Variants in STMN3 observed in about 807,000 individuals in gnomAD.
The protein encoded by STMN3 is stathmin 3, also known as stathmin-3.
In STMN3, 24 loss-of-function variants were observed where a neutral mutation model predicts 23.2. The ratio of observed to expected loss-of-function variants is 1.03; its 90% CI spans 0.75 to 1.45. The LOEUF is 1.45. Ranked by LOEUF, STMN3 falls within the 40% of genes most tolerant of loss-of-function variation. The pLI is 0.00. For synonymous variants in STMN3, 117 were observed against 103.4 expected, an observed-to-expected ratio of 1.13 and a Z score of -0.80; for missense variants, 235 against 237.6, an observed-to-expected ratio of 0.99 and a Z score of 0.07.
intron 1 of STMN3, among the ~76,000 whole-genome samples, chr20:63,645,547 G>T (rs2089802473): frequency 6.6e-6 from 1 of 152,238 alleles, no homozygotes; most frequent in Non-Finnish European, 1.5e-5. Flanking sequence ...CCTGTCAGGG[G>T]AAGAGGAAGG....
chr20:63,652,558 C>G lies in STMN3; in HGVS notation c.19+769G>C. On this transcript the variant is annotated intron_variant, in intron 1 of 4. Transcript: ENST00000370053. The surrounding 1 kb of genome is among the most constrained non-coding windows in gnomAD (Gnocchi z 5.3). ...CTCCGCGCGGGACGGGCCGGGAGGC[C>G]GGGGTGGGCGCTACCTTCGAAGGCG... 1.0e-6 allele frequency: 1 copy of G among 984,760 alleles called. No individual in the cohort carries two copies. The highest frequency in any genetic ancestry group is 1.2e-6 in the Non-Finnish European group (1 of 829,394). 61.0% of individuals were successfully genotyped at this position (984,760 alleles called of 1,614,324 possible).
Position 63,640,874 on chromosome 20 carries a change from T to TC in STMN3, c.*463dup. 3 of 236,304 alleles carry TC rather than the reference T, an allele frequency of 1.3e-5. No homozygotes were observed. Among genetic ancestry groups the TC allele is most frequent in the South Asian group, 1.3e-4 (3 of 23,942 alleles). 14.6% of individuals were successfully genotyped at this position (236,304 alleles called of 1,614,324 possible). A position where few individuals can be genotyped will look rare whatever the true frequency, so the allele number is the denominator to read the frequency against. ...AGGCTCCCAGGCACCATCACCCCCC[T>TC]CCCCCGTCGCCCCTCCCTCATGGGG... On this transcript the variant is annotated 3_prime_UTR_variant, in exon 5 of 5. Coordinates refer to ENST00000370053, the MANE Select transcript of STMN3 (RefSeq NM_015894.4).
intron 1 of STMN3, among the ~76,000 whole-genome samples, chr20:63,651,479 G>A (rs145415134): frequency 2.8e-3 from 422 of 152,240 alleles, no homozygotes; most frequent in Non-Finnish European, 2.6e-3. Flanking sequence ...GGCTCCCCCC[G>A]GGGGCAGATG....
At chr20:63,644,030 C>A (rs537081157) in intron 2 of STMN3, 99 bp from the exon 3 acceptor site, 22 of 1,500,422 alleles carry the variant, frequency 1.5e-5, no homozygotes, top group African/African-American at 5.6e-5. Flanking sequence ...CAGGGCTGGG[C>A]GAGAGGGGGT....
chr20:63,649,151 T>G (rs771928086), intron 1 of STMN3, among the ~76,000 whole-genome samples: 20 of 152,066 alleles, frequency 1.3e-4, no homozygotes, highest in Non-Finnish European at 1.9e-4. Flanking sequence ...ATGAGGAGCT[T>G]CTATCCCAAG....
At position 63,644,228 on chromosome 20, in the gene STMN3, A is replaced by C; in HGVS notation, c.101T>G (p.Val34Gly). The change falls in exon 2 of 5, where the codon GTC becomes GGC. Residue 34 changes from valine (V) to glycine (G), a missense_variant. Coordinates refer to ENST00000370053, the MANE Select transcript of STMN3 (RefSeq NM_015894.4). ...CAGGCACTCACCCCCGTACTGGTAG[A>C]CGGTATTGGGGTGCGGCTGTGTGTA... ...CFYTQPHPNT[V>G]YQYGDMEVKQ... is the part of the protein sequence containing the mutation. 1.9e-6 allele frequency: 3 copies of C among 1,612,932 alleles called. No homozygotes were observed. The highest frequency in any genetic ancestry group is 2.5e-6 in the Non-Finnish European group (3 of 1,179,204).
intron 1 of STMN3, among the ~76,000 whole-genome samples, chr20:63,647,615 C>A: frequency 7.0e-6 from 1 of 141,966 alleles, no homozygotes; most frequent in East Asian, 2.0e-4. Context: ...GACTCTGTCT[C>A]AAAAACAAAC....
rs2089748040 is a variant in STMN3 at position 63,640,185 on chromosome 20, G to T, written c.*1153C>A. 1.3e-5 allele frequency: 2 copies of T among 152,708 alleles called. No homozygotes were observed. The highest frequency in any genetic ancestry group is 6.5e-5 in the Admixed American group (1 of 15,278). The allele number at this position is 152,708 out of a possible 1,614,324, so 9.5% of individuals were successfully genotyped here. On this transcript the variant is annotated 3_prime_UTR_variant, in exon 5 of 5. Coordinates refer to ENST00000370053, the MANE Select transcript of STMN3 (RefSeq NM_015894.4). ...GATGGGGCTTCCGTGGAGAAGTGGG[G>T]GATGCTGCAGTGGTACAAAGACAGC...
At chr20:63,642,044 C>T in intron 4 of STMN3, 64 bp downstream of exon 4, 1 of 980,940 alleles carries the variant, frequency 1.0e-6, no homozygotes, top group Non-Finnish European at 1.2e-6. Flanking sequence ...CCGCTCCGAG[C>T]TTCGCCCCGG....
chr20:63,646,297 A>AC (rs2089808320), intron 1 of STMN3, among the ~76,000 whole-genome samples: 4 of 151,860 alleles, frequency 2.6e-5, no homozygotes. Flanking sequence ...TCAGGGAGGG[A>AC]GATGGAGGGG....
intron 2 of STMN3, 129 bp from the exon 3 acceptor site, chr20:63,644,060 C>T: frequency 2.9e-6 from 4 of 1,402,566 alleles, no homozygotes; most frequent in Non-Finnish European, 3.9e-6. Flanking sequence ...CGCAGGAATC[C>T]CAGGCTTCAG....
chr20:63,642,426 C>T (rs2089776507), intron 3 of STMN3, 127 bp from the exon 4 acceptor site: 1 of 395,990 alleles, frequency 2.5e-6, no homozygotes, highest in Non-Finnish European at 4.3e-6. Context: ...GCCCAGGCCT[C>T]GGTGGGCGCC....
intron 1 of STMN3, among the ~76,000 whole-genome samples, chr20:63,649,850 G>A (rs1293646250): frequency 5.0e-5 from 7 of 139,752 alleles, no homozygotes; most frequent in African/African-American, 1.6e-4. Context: ...TTTTTAAGAC[G>A]GGGTCTCACT....
chr20:63,648,295 G>T (rs1601061625), intron 1 of STMN3, among the ~76,000 whole-genome samples: 1 of 151,924 alleles, frequency 6.6e-6, no homozygotes, highest in African/African-American at 2.4e-5. Flanking sequence ...GAGGGAGTTT[G>T]GGCTGGGGCA....
At chr20:63,653,200 G>A (rs1039048428) in intron 1 of STMN3, 127 bp downstream of exon 1, 6 of 1,282,448 alleles carry the variant, frequency 4.7e-6, no homozygotes, top group African/African-American at 1.6e-5. Flanking sequence ...GTCGGGCCCA[G>A]GCTTGCAACG....
intron 1 of STMN3, 49 bp from the exon 2 acceptor site, chr20:63,644,358 C>A: frequency 6.8e-7 from 1 of 1,477,800 alleles, no homozygotes; most frequent in East Asian, 2.3e-5. Flanking sequence ...GCCTGCCCAC[C>A]TGGGCCCCCG....
chr20:63,642,430 G>T, intron 3 of STMN3, 131 bp from the exon 4 acceptor site: 2 of 389,566 alleles, frequency 5.1e-6, no homozygotes, highest in Non-Finnish European at 4.3e-6. Flanking sequence ...AGGCCTCGGT[G>T]GGCGCCGGGA....
intron 1 of STMN3, 70 bp from the exon 2 acceptor site, chr20:63,644,379 C>T: frequency 8.5e-7 from 1 of 1,179,564 alleles, no homozygotes; most frequent in African/African-American, 1.5e-5. Flanking sequence ...TTTTCCCTCC[C>T]CATGGCTGCC....
At position 63,640,997 on chromosome 20, in the gene STMN3, A is replaced by T. The variant is rs1330704081; in HGVS notation, c.*341T>A. 4.9e-6 allele frequency: 2 copies of T among 409,214 alleles called. No individual in the cohort carries two copies. The highest frequency in any genetic ancestry group is 1.1e-4 in the East Asian group (2 of 18,860). The allele number at this position is 409,214 out of a possible 1,614,324, so 25.3% of individuals were successfully genotyped here. A position where few individuals can be genotyped will look rare whatever the true frequency, so the allele number is the denominator to read the frequency against. On this transcript the variant is annotated 3_prime_UTR_variant, in exon 5 of 5. Coordinates refer to ENST00000370053, the MANE Select transcript of STMN3 (RefSeq NM_015894.4). ...CTGCCCTGACCTGCACGTGCTGACC[A>T]GACAGCCCAGCGTAAGGACCCGTGA...
Sources: gnomAD v4.1 joint callset for allele counts (sites outside exome capture counted in the v4.1 genomes callset) on GRCh38, gnomAD v4.1.1 for gene constraint, Gnocchi (gnomAD v3.1) non-coding constraint, MANE v1.5 for transcripts, NCBI Gene and HGNC (gene_info 2026-07-23, HGNC 2026-07-21) for gene names.